ELOVL2: variants seen among roughly 807,000 people sequenced by gnomAD.
The protein encoded by ELOVL2 is very long chain fatty acid elongase 2.
A neutral mutation model predicts 37.7 loss-of-function variants in ELOVL2; 38 were observed. The observed-to-expected ratio is 1.01, with a 90% CI of 0.78 to 1.32. The LOEUF (loss-of-function observed/expected upper bound fraction) is 1.32, where lower values mean the gene tolerates loss of function less well. Among genes scored for constraint, ELOVL2 ranks in the 40% most tolerant of loss-of-function variants. The pLI is 0.00. For missense variants in ELOVL2, 352 were observed against 363.6 expected (o/e 0.97, Z 0.26); for synonymous variants, 115 against 122.3 (o/e 0.94, Z 0.40).
At chr6:11,001,940 T>C (rs959628571) in intron 3 of ELOVL2, among the ~76,000 whole-genome samples, 24 of 152,242 alleles carry the variant, frequency 1.6e-4, no homozygotes, top group African/African-American at 5.8e-4. Context: ...TAATCCAAGA[T>C]GTTAACATCT....
intron 1 of ELOVL2, among the ~76,000 whole-genome samples, chr6:11,012,833 A>G (rs1464432848): frequency 6.6e-6 from 1 of 152,244 alleles, no homozygotes; most frequent in African/African-American, 2.4e-5. Context: ...ATAAAGTCAA[A>G]TGAGATGTGG....
At chr6:11,006,446 TAAATAAAGAA>T (rs1782484968) in intron 2 of ELOVL2, among the ~76,000 whole-genome samples, 1 of 152,234 alleles carries the variant, frequency 6.6e-6, no homozygotes, top group Non-Finnish European at 1.5e-5. Flanking sequence ...TTTGTTTGTT[TAAATAAAGAA>T]AATGATTTGG....
Position 10,988,085 on chromosome 6 carries a change from G to A in ELOVL2, c.765+1618C>T, listed in dbSNP as rs554565412. Among the ~76,000 whole-genome samples the A allele has an allele frequency of 1.2e-4, 19 of 152,294 alleles. No individual in the cohort carries two copies. In the South Asian group the frequency reaches 3.5e-3, roughly 28 times the overall value. The stretch of plus-strand genomic sequence containing the variant: ...CCTTAGCTTCCCTTTAACACTTAGC[G>A]TTTATTGGGAAGTTGGGGGCAGGGG... On this transcript the variant is annotated intron_variant, in intron 7 of 7. Transcript: ENST00000354666.
chr6:10,992,657 C>T (rs554896904), intron 5 of ELOVL2, among the ~76,000 whole-genome samples: 11 of 151,368 alleles, frequency 7.3e-5, no homozygotes, highest in East Asian at 1.9e-4. Context: ...GGCGTAGTGG[C>T]GCACGCCTGT....
intron 7 of ELOVL2, among the ~76,000 whole-genome samples, chr6:10,985,342 C>T (rs2113461785): frequency 6.6e-6 from 1 of 151,892 alleles, no homozygotes; most frequent in African/African-American, 2.4e-5. Context: ...GTTTCTTTTG[C>T]TGTGCAGAAG....
At chr6:11,021,200 A>C (rs1331042975) in intron 1 of ELOVL2, among the ~76,000 whole-genome samples, 1 of 152,158 alleles carries the variant, frequency 6.6e-6, no homozygotes, top group Admixed American at 6.5e-5. Context: ...AGTTCCTCCA[A>C]CACATCCTGT....
chr6:11,010,779 T>A lies in ELOVL2; in HGVS notation c.34A>T (p.Asn12Tyr). 6.2e-7 allele frequency: 1 copy of A among 1,612,492 alleles called. No individual in the cohort carries two copies. Among genetic ancestry groups the A allele is most frequent in the Non-Finnish European group, 8.5e-7 (1 of 1,179,604 alleles). ...CCAAACATATTGTCCAAAAAAGCAT[T>A]GATTTCATCATCAAAGGCCTTTAGA... Reference protein sequence around the residue: ...EHLKAFDDEINAFLDNMFGPR... With the variant: ...EHLKAFDDEIYAFLDNMFGPR... Residue 12 changes from asparagine to tyrosine, a missense_variant, in exon 2 of 8, where the codon AAT (asparagine) becomes TAT (tyrosine). Physicochemically the swap from Asn to Tyr is moderately radical, Grantham distance 143. Coordinates refer to ENST00000354666, the MANE Select transcript of ELOVL2 (RefSeq NM_017770.4).
chr6:11,019,734 TTTGTTGTTG>T (rs776460444), intron 1 of ELOVL2, among the ~76,000 whole-genome samples: 2 of 149,710 alleles, frequency 1.3e-5, no homozygotes, highest in Admixed American at 1.3e-4. Flanking sequence ...TAGTTTAGTT[TTTGTTGTTG>T]TTGTTGTTGT....
In ELOVL2 at chr6:11,000,112, G is replaced by T. The variant is rs1359093045; in HGVS notation, c.308C>A (p.Thr103Asn). ...GGYNLQCQDL[T>N]SAGEADIRVA... ...CCGGATGTCAGCTTCCCCTGCGCTG[G>T]TAAGATCTTGACACTGTAAGTTGTA... The change falls in exon 4 of 8, where the codon ACC (threonine) becomes AAC (asparagine). Residue 103 changes from threonine to asparagine, a missense_variant. Physicochemically the swap from Thr to Asn is moderately conservative, Grantham distance 65. Transcript: ENST00000354666. The T allele has an allele frequency of 2.5e-6, 4 of 1,614,132 alleles. No individual in the cohort carries two copies. The South Asian group carries it at 4.4e-5, about 18-fold the overall frequency.
Position 11,044,038 on chromosome 6 carries a change from C to T in ELOVL2, c.3+190G>A, listed in dbSNP as rs533150714. ...CGCGGGCCTCGGGCCGACCCGCGCG[C>T]CCCCGGCCCAAACGCTCAGCTCCCG... On this transcript the variant is annotated intron_variant, in intron 1 of 7. Transcript: ENST00000354666. This position sits in a 1 kb window ranked among gnomAD's most constrained non-coding sequence, Gnocchi z 5.6. Among the ~76,000 whole-genome samples, 2,134 of 151,396 alleles carry T rather than the reference C, an allele frequency of 0.014. 51 individuals are homozygous for T. The highest frequency in any genetic ancestry group is 0.047 in the African/African-American group (1,958 of 41,334).
rs368987882 is a variant in ELOVL2 at position 11,013,831 on chromosome 6, C to G, written c.4-3022G>C. 1.0e-3 allele frequency among the ~76,000 whole-genome samples: 153 copies of G among 151,520 alleles called. 5 individuals are homozygous for G. In the South Asian group the frequency reaches 0.031, roughly 31 times the overall value. ...CCTGAGCCCCACACTTTCAAGGCCC[C>G]CTTCTGGTCATCCTTTGGCCACGTC... On this transcript the variant is annotated intron_variant, in intron 1 of 7. Transcript: ENST00000354666.
At chr6:11,002,595 G>C (rs1422305266) in intron 3 of ELOVL2, among the ~76,000 whole-genome samples, 1 of 152,252 alleles carries the variant, frequency 6.6e-6, no homozygotes, top group Non-Finnish European at 1.5e-5. Flanking sequence ...TTAAGAGAAA[G>C]AGTGGGTAAG....
chr6:11,027,977 T>C (rs1280288262), intron 1 of ELOVL2, among the ~76,000 whole-genome samples: 1 of 152,232 alleles, frequency 6.6e-6, no homozygotes, highest in Non-Finnish European at 1.5e-5. Flanking sequence ...GTCGTAGAAC[T>C]ATTATCTTTC....
At chr6:11,008,903 A>T (rs1486826728) in intron 2 of ELOVL2, among the ~76,000 whole-genome samples, 1 of 152,232 alleles carries the variant, frequency 6.6e-6, no homozygotes, top group African/African-American at 2.4e-5. Context: ...GATTGTTTAA[A>T]GATCTTGAGA....
intron 4 of ELOVL2, among the ~76,000 whole-genome samples, chr6:10,996,523 A>AGTT (rs1782271204): frequency 6.6e-6 from 1 of 152,050 alleles, no homozygotes; most frequent in Admixed American, 6.6e-5. Flanking sequence ...CAAAAAAATT[A>AGTT]GTTGGGTGTG....
intron 1 of ELOVL2, among the ~76,000 whole-genome samples, chr6:11,033,117 G>A (rs1033084867): frequency 6.6e-6 from 1 of 151,936 alleles, no homozygotes; most frequent in African/African-American, 2.4e-5. Context: ...GCCCCTAAAT[G>A]TCTACCTATC....
chr6:10,995,693 C>A (rs1389289456), intron 4 of ELOVL2, among the ~76,000 whole-genome samples: 1 of 152,204 alleles, frequency 6.6e-6, no homozygotes, highest in Non-Finnish European at 1.5e-5. Context: ...TCAGGCTGAA[C>A]TGCTGCTTCA....
rs1046069695 is a variant in ELOVL2 at position 10,982,968 on chromosome 6, G to A, written c.*813C>T. ...TGCTTGCTCAGAAAGTAAACGGGCAGCCAGATTTGTACACTGCTCGTGGTG... is the reference window on the plus strand; with the variant it reads ...TGCTTGCTCAGAAAGTAAACGGGCAACCAGATTTGTACACTGCTCGTGGTG... On this transcript the variant is annotated 3_prime_UTR_variant, in exon 8 of 8. Transcript: ENST00000354666. 1 of 152,204 alleles carries A rather than the reference G, an allele frequency of 6.6e-6. No homozygotes were observed. The highest frequency in any genetic ancestry group is 2.4e-5 in the African/African-American group (1 of 41,438). 9.4% of individuals were successfully genotyped at this position (152,204 alleles called of 1,614,324 possible).
chr6:11,010,046 CA>C (rs1782547488), intron 2 of ELOVL2, among the ~76,000 whole-genome samples: 1 of 127,472 alleles, frequency 7.8e-6, no homozygotes. Flanking sequence ...TTTTTTGAGA[CA>C]GAGTCTCACT....
Sources: allele counts gnomAD v4.1 joint callset (sites outside exome capture counted in the v4.1 genomes callset), GRCh38; gene constraint gnomAD v4.1.1; non-coding constraint Gnocchi (gnomAD v3.1); transcripts MANE v1.5; gene names NCBI Gene and HGNC (gene_info 2026-07-23, HGNC 2026-07-21).